KLHDC4: variants seen among roughly 807,000 people sequenced by gnomAD.
The protein encoded by KLHDC4 is kelch domain containing 4.
In KLHDC4, 90 loss-of-function variants were observed where a neutral mutation model predicts 62.4. The ratio of observed to expected loss-of-function variants is 1.44; its 90% CI spans 1.22 to 1.72. The LOEUF (loss-of-function observed/expected upper bound fraction) is 1.72. Among genes scored for constraint, KLHDC4 ranks in the 40% most tolerant of loss-of-function variants. The pLI is 0.00. For synonymous variants in KLHDC4, 386 were observed against 284.4 expected (o/e 1.36, Z -3.59); for missense variants, 1,025 against 699.7 (o/e 1.47, Z -5.25).
At chr16:87,699,168 G>A (rs2034027572) in exon 1 of KLHDC4, 1 of 152,336 alleles carries the variant, frequency 6.6e-6, no homozygotes, top group African/African-American at 2.4e-5. Context: ...TGGTGAAACT[G>A]TCTGTGCCCA....
At chr16:87,742,657 G>A (rs916275145) in intron 5 of KLHDC4, among the ~76,000 whole-genome samples, 7 of 152,108 alleles carry the variant, frequency 4.6e-5, no homozygotes, top group African/African-American at 1.7e-4. Flanking sequence ...GCTCTGAATG[G>A]GACTGATGTC....
intron 5 of KLHDC4, among the ~76,000 whole-genome samples, chr16:87,743,983 C>A (rs4843693): frequency 0.46 from 69,973 of 151,240 alleles, 16,350 homozygotes; most frequent in South Asian, 0.64. Flanking sequence ...GGACTTTTAA[C>A]ATTAGAATTT....
At chr16:87,706,112 C>T (rs1029290667), downstream of KLHDC4, among the ~76,000 whole-genome samples, 3 of 137,246 alleles carry the variant, frequency 2.2e-5, no homozygotes, top group African/African-American at 5.5e-5. Context: ...GGGCTGCCGG[C>T]GCAAAAGCAA....
intron 5 of KLHDC4, among the ~76,000 whole-genome samples, chr16:87,733,464 G>T (rs1169971232): frequency 2.6e-5 from 4 of 152,222 alleles, no homozygotes; most frequent in Admixed American, 2.6e-4. Flanking sequence ...AGGCTGAACA[G>T]GGTGCGTGTG....
intron 10 of KLHDC4, 62 bp from the exon 11 acceptor site, chr16:87,708,528 C>T (rs2035102928): frequency 7.7e-6 from 10 of 1,304,554 alleles, no homozygotes; most frequent in Middle Eastern, 1.9e-4. Context: ...GGGGAGGCTG[C>T]GGGACGGTGG....
intron 5 of KLHDC4, among the ~76,000 whole-genome samples, chr16:87,746,906 C>G (rs1306916365): frequency 2.0e-5 from 3 of 152,366 alleles, no homozygotes; most frequent in South Asian, 2.1e-4. Flanking sequence ...GTTTATCAGA[C>G]AATCCAGACC....
intron 4 of KLHDC4, among the ~76,000 whole-genome samples, chr16:87,751,093 A>C (rs1257932319): frequency 6.6e-6 from 1 of 152,248 alleles, no homozygotes; most frequent in East Asian, 1.9e-4. Flanking sequence ...AATGCCACAG[A>C]ATAATCCTAC....
In KLHDC4 at chr16:87,742,094, A is replaced by T. The variant is rs548712594; in HGVS notation, c.506+6579T>A. ...CTGACCTTTCCTTTTAGATCAATTT[A>T]AAAAAAAAAATGACAGAGGAAAAAC... On this transcript the variant is annotated intron_variant, in intron 5 of 11. Transcript: ENST00000270583. Among the ~76,000 whole-genome samples the T allele has an allele frequency of 1.1e-3, 165 of 146,174 alleles. 1 individual carries two copies. Among genetic ancestry groups the T allele is most frequent in the African/African-American group, 4.1e-3 (157 of 38,376 alleles).
intron 5 of KLHDC4, among the ~76,000 whole-genome samples, chr16:87,742,640 T>TG (rs2042399482): frequency 2.0e-5 from 3 of 152,032 alleles, no homozygotes; most frequent in Admixed American, 2.0e-4. Context: ...CAACCACACA[T>TG]CAACCTGCTC....
At chr16:87,731,770 C>G (rs751002057) in intron 5 of KLHDC4, among the ~76,000 whole-genome samples, 19 of 152,236 alleles carry the variant, frequency 1.2e-4, no homozygotes, top group Non-Finnish European at 2.5e-4. Flanking sequence ...TTTATACACG[C>G]TCTTGTGTCA....
intron 3 of KLHDC4, 112 bp downstream of exon 3, chr16:87,756,287 G>T: frequency 1.3e-6 from 1 of 785,072 alleles, no homozygotes; most frequent in East Asian, 2.6e-5. Context: ...TCAAGCGCGT[G>T]ATACAAGGGG....
chr16:87,745,238 C>T (rs2042869374), intron 5 of KLHDC4, among the ~76,000 whole-genome samples: 1 of 152,208 alleles, frequency 6.6e-6, no homozygotes, highest in Non-Finnish European at 1.5e-5. Flanking sequence ...ACAACACCCG[C>T]CCTGGGGCCG....
At chr16:87,752,644 G>C (rs2044197780) in intron 4 of KLHDC4, among the ~76,000 whole-genome samples, 1 of 152,078 alleles carries the variant, frequency 6.6e-6, no homozygotes, top group South Asian at 2.1e-4. Flanking sequence ...CCACAGCACT[G>C]TTTCAACATC....
At chr16:87,707,805 G>A (rs776171296), downstream of KLHDC4, 110 of 383,408 alleles carry the variant, frequency 2.9e-4, 1 homozygote, top group Admixed American at 2.7e-3. Context: ...GACACCCTCC[G>A]CGGTGGTCTT....
At chr16:87,758,343 G>A (rs763396726) in intron 2 of KLHDC4, among the ~76,000 whole-genome samples, 1 of 152,182 alleles carries the variant, frequency 6.6e-6, no homozygotes, top group Non-Finnish European at 1.5e-5. Flanking sequence ...ACACAATGTG[G>A]CATACCCACA....
chr16:87,734,057 A>G (rs1436455548), intron 5 of KLHDC4, among the ~76,000 whole-genome samples: 43 of 152,216 alleles, frequency 2.8e-4, no homozygotes, highest in Admixed American at 2.8e-3. Context: ...CCTAAAAAAC[A>G]CAAGAGGGCC....
intron 7 of KLHDC4, among the ~76,000 whole-genome samples, chr16:87,721,659 C>G (rs563790284): frequency 6.6e-6 from 1 of 152,312 alleles, no homozygotes; most frequent in Admixed American, 6.5e-5. Flanking sequence ...CGCAACAACT[C>G]TGTCTGCTTC....
chr16:87,726,733 C>G (rs1338118406), intron 7 of KLHDC4, 32 bp downstream of exon 7: 1 of 1,505,296 alleles, frequency 6.6e-7, no homozygotes, highest in Non-Finnish European at 8.8e-7. Context: ...CCCGGTCCCA[C>G]GCCTTGCCTG....
intron 1 of KLHDC4, 148 bp from the exon 2 acceptor site, chr16:87,762,188 G>C: frequency 2.8e-6 from 4 of 1,447,348 alleles, no homozygotes; most frequent in Non-Finnish European, 3.6e-6. Flanking sequence ...TTGAAATGCA[G>C]AGTTTGACAC....
Sources: allele counts gnomAD v4.1 joint callset (sites outside exome capture counted in the v4.1 genomes callset), GRCh38; gene constraint gnomAD v4.1.1; transcripts MANE v1.5; gene names NCBI Gene and HGNC (gene_info 2026-07-23, HGNC 2026-07-21).